DPP6: variants seen among roughly 807,000 people sequenced by gnomAD.
DPP6 encodes dipeptidyl peptidase like 6.
In DPP6, 69 loss-of-function variants were observed where a neutral mutation model predicts 122.6. The ratio of observed to expected loss-of-function variants is 0.56; its 90% CI spans 0.46 to 0.69. The LOEUF (loss-of-function observed/expected upper bound fraction) is 0.69. DPP6 is among the 30% of genes least tolerant of loss of function. The pLI, the probability that DPP6 is intolerant of heterozygous loss-of-function variation, is 0.00. For synonymous variants in DPP6, 418 were observed against 433.1 expected, an observed-to-expected ratio of 0.97 and a Z score of 0.43; for missense variants, 928 against 1,116.9, an observed-to-expected ratio of 0.83 and a Z score of 2.41.
In DPP6 at chr7:154,236,754, A is replaced by G. The variant is rs142455600; in HGVS notation, c.243+183691A>G. Among the ~76,000 whole-genome samples, 1,098 of 152,310 alleles carry G rather than the reference A, an allele frequency of 7.2e-3. 19 individuals carry two copies. Among genetic ancestry groups the G allele is most frequent in the African/African-American group, 0.025 (1,027 of 41,554 alleles). On this transcript the variant is annotated intron_variant, in intron 1 of 25. Transcript: ENST00000377770. ...CCTGACGTCGGTATTGCTGGGCCATATTAAATTGCTTTACATCCCTAATAA... is the reference window on the plus strand; with the variant it reads ...CCTGACGTCGGTATTGCTGGGCCATGTTAAATTGCTTTACATCCCTAATAA...
chr7:154,231,583 G>A (rs1172657146), intron 1 of DPP6, among the ~76,000 whole-genome samples: 1 of 152,120 alleles, frequency 6.6e-6, no homozygotes. Context: ...AATAATACTG[G>A]TGCAAGGAGT....
chr7:154,037,116 T>G (rs1799574087), intron 1 of DPP6, among the ~76,000 whole-genome samples: 1 of 152,130 alleles, frequency 6.6e-6, no homozygotes, highest in African/African-American at 2.4e-5. Flanking sequence ...CTAGACTCAG[T>G]GAAAGTCATG....
chr7:153,981,582 G>T (rs1034634561), intron 1 of DPP6, among the ~76,000 whole-genome samples: 11 of 152,118 alleles, frequency 7.2e-5, no homozygotes, highest in African/African-American at 2.7e-4. Context: ...TGATCCTGTT[G>T]TTATGATGGT....
intron 8 of DPP6, among the ~76,000 whole-genome samples, chr7:154,732,943 TACTC>T (rs1842407976): frequency 6.6e-6 from 1 of 152,110 alleles, no homozygotes; most frequent in South Asian, 2.1e-4. Flanking sequence ...CTGCCAACAA[TACTC>T]ACTTCTGCTC....
intron 1 of DPP6, among the ~76,000 whole-genome samples, chr7:154,248,839 C>A (rs1398774129): frequency 3.3e-5 from 5 of 151,726 alleles, no homozygotes; most frequent in East Asian, 1.9e-4. Context: ...GCACTCCAGC[C>A]TCAGCAACAG....
chr7:154,063,687 A>G (rs1296641442), intron 1 of DPP6, among the ~76,000 whole-genome samples: 2 of 135,368 alleles, frequency 1.5e-5, no homozygotes, highest in Non-Finnish European at 3.2e-5. Flanking sequence ...CAGCGGGGGG[A>G]GGCACCTCCC....
intron 1 of DPP6, among the ~76,000 whole-genome samples, chr7:154,420,848 A>C (rs1274545538): frequency 3.9e-5 from 6 of 152,152 alleles, no homozygotes; most frequent in Non-Finnish European, 8.8e-5. Flanking sequence ...TTTTCCAAAA[A>C]ATCATTATGC....
At chr7:154,587,818 G>A (rs1192426416) in intron 5 of DPP6, 1 of 1,612,744 alleles carries the variant, frequency 6.2e-7, no homozygotes, top group Admixed American at 1.7e-5. Context: ...GGCAGTCAAT[G>A]GATACAGCAC....
At chr7:153,996,949 C>A (rs1264464868) in intron 1 of DPP6, among the ~76,000 whole-genome samples, 2 of 152,082 alleles carry the variant, frequency 1.3e-5, no homozygotes, top group Non-Finnish European at 2.9e-5. Context: ...TCAACCATAG[C>A]AGTGTCACTA....
chr7:154,122,292 G>A (rs71203908), intron 1 of DPP6, among the ~76,000 whole-genome samples: 7 of 152,146 alleles, frequency 4.6e-5, no homozygotes, highest in South Asian at 2.1e-4. Context: ...GTGGAGGGGC[G>A]GCAGTGGTGA....
intron 13 of DPP6, among the ~76,000 whole-genome samples, chr7:154,803,117 C>T (rs906931277): frequency 6.6e-6 from 1 of 152,150 alleles, no homozygotes; most frequent in Non-Finnish European, 1.5e-5. Flanking sequence ...CCCCCATGTT[C>T]GAGTCTGCAG....
In DPP6 at chr7:154,388,301, G is replaced by A. The variant is rs541531688; in HGVS notation, c.244-57913G>A. Among the ~76,000 whole-genome samples, 27 of 152,228 alleles carry A rather than the reference G, an allele frequency of 1.8e-4. No homozygotes were observed. The South Asian group carries it at 5.2e-3, about 29-fold the overall frequency. On this transcript the variant is annotated intron_variant, in intron 1 of 25. Coordinates refer to ENST00000377770, the MANE Select transcript of DPP6 (RefSeq NM_130797.4). The stretch of plus-strand genomic sequence containing the variant: ...GAGACCCTGTCAAAAAATATATAGT[G>A]ATTGAATGAATGAGTTATACTGCTA...
At chr7:154,438,280 A>G (rs1819043644) in intron 1 of DPP6, among the ~76,000 whole-genome samples, 1 of 152,018 alleles carries the variant, frequency 6.6e-6, no homozygotes, top group Non-Finnish European at 1.5e-5. Flanking sequence ...ATCCTGGCTG[A>G]CACGGTGAAA....
At chr7:153,955,523 C>G (rs952720846) in intron 1 of DPP6, among the ~76,000 whole-genome samples, 1 of 152,156 alleles carries the variant, frequency 6.6e-6, no homozygotes, top group Non-Finnish European at 1.5e-5. Context: ...ACTGCAACCT[C>G]TGCCTCCCAG....
chr7:154,373,416 G>C (rs1165334135), intron 1 of DPP6, among the ~76,000 whole-genome samples: 1 of 152,144 alleles, frequency 6.6e-6, no homozygotes, highest in Admixed American at 6.5e-5. Context: ...CGGTTGTGAG[G>C]AGCCATCTCT....
chr7:154,853,787 T>C lies in DPP6; in HGVS notation c.1674T>C (p.Gly558=), dbSNP rs1802595406. ...ATTCTCTACCCAACACAGGTCCTGG[T>C]GTTCCTATGGTGACGGTGCACAACA... ...DFFLLKCEGP[G]VPMVTVHNTT... Residue 558 remains glycine (G), a synonymous_variant, in exon 17 of 26, where the codon GGT becomes GGC. Coordinates refer to ENST00000377770, the MANE Select transcript of DPP6 (RefSeq NM_130797.4). 1 of 1,613,922 alleles carries C rather than the reference T, an allele frequency of 6.2e-7. No individual in the cohort carries two copies. The highest frequency in any genetic ancestry group is 1.1e-5 in the South Asian group (1 of 91,062).
intron 1 of DPP6, among the ~76,000 whole-genome samples, chr7:154,358,925 C>G (rs894851628): frequency 4.6e-5 from 7 of 152,168 alleles, no homozygotes; most frequent in Admixed American, 3.9e-4. Context: ...AGGCTGGTCT[C>G]GAACTCCTGA....
the DPP6 span, among the ~76,000 whole-genome samples, chr7:153,826,791 A>G: frequency 2.6e-5 from 4 of 152,316 alleles, no homozygotes; most frequent in East Asian, 7.7e-4. Flanking sequence ...AATGATAGCC[A>G]TGAAATTTAG....
At chr7:154,564,124 A>T (rs1468510298) in intron 4 of DPP6, among the ~76,000 whole-genome samples, 1 of 152,202 alleles carries the variant, frequency 6.6e-6, no homozygotes, top group Non-Finnish European at 1.5e-5. Context: ...GAGACTGGTC[A>T]TCTGTGTCAA....
Sources: gnomAD v4.1 joint callset for allele counts (sites outside exome capture counted in the v4.1 genomes callset) on GRCh38, gnomAD v4.1.1 for gene constraint, MANE v1.5 for transcripts, NCBI Gene and HGNC (gene_info 2026-07-23, HGNC 2026-07-21) for gene names.